The following THRB variants were observed in gnomAD, a reference collection of about 807,000 sequenced individuals.
THRB encodes thyroid hormone receptor beta, also known as nuclear receptor subfamily 1 group A member 2.
In THRB, 12 loss-of-function variants were observed where a neutral mutation model predicts 47.8. That is an observed-to-expected ratio of 0.25 (90% CI 0.16 to 0.41). The LOEUF is 0.41. THRB is among the 10% of genes least tolerant of loss of function. THRB has a pLI of 1.00. For missense variants in THRB, 348 were observed against 589.2 expected (o/e 0.59, Z 4.24); for synonymous variants, 218 against 212.2 (o/e 1.03, Z -0.24).
chr3:24,332,821 C>T (rs1192991839), intron 2 of THRB, among the ~76,000 whole-genome samples: 2 of 152,152 alleles, frequency 1.3e-5, no homozygotes, highest in Admixed American at 1.3e-4. Context: ...CTTTGGGAGG[C>T]CGAGGCGGGC....
chr3:24,228,967 T>A lies in THRB; in HGVS notation c.-8A>T. ...CATACTGTTGGGAGTCATAGGTTAG[T>A]AATCATTCTGGATCCCTTTTTTCAC... On this transcript the variant is annotated 5_prime_UTR_variant, in exon 4 of 11. Transcript: ENST00000646209. 6.2e-7 allele frequency: 1 copy of A among 1,611,894 alleles called. No homozygotes were observed.
intron 5 of THRB, among the ~76,000 whole-genome samples, chr3:24,181,998 G>C (rs1299621545): frequency 6.6e-6 from 1 of 152,092 alleles, no homozygotes; most frequent in Non-Finnish European, 1.5e-5. Flanking sequence ...TCAGGAGATC[G>C]AGACCATCCT....
At chr3:24,128,174 T>C (rs948557035) in intron 9 of THRB, among the ~76,000 whole-genome samples, 8 of 152,198 alleles carry the variant, frequency 5.3e-5, no homozygotes, top group East Asian at 3.9e-4. Flanking sequence ...GGTAACAGCT[T>C]ACCCTACTGT....
chr3:24,344,374 T>G (rs1438650545), intron 1 of THRB, among the ~76,000 whole-genome samples: 2 of 152,110 alleles, frequency 1.3e-5, no homozygotes, highest in South Asian at 2.1e-4. Context: ...AATTTCAACA[T>G]AGAACCACAA....
At chr3:24,372,235 T>C (rs1317821532) in intron 1 of THRB, among the ~76,000 whole-genome samples, 1 of 152,244 alleles carries the variant, frequency 6.6e-6, no homozygotes, top group East Asian at 1.9e-4. Context: ...TAGTATTTGC[T>C]GATTTTCAGG....
intron 3 of THRB, among the ~76,000 whole-genome samples, chr3:24,279,561 A>T (rs78069571): frequency 1.3e-4 from 18 of 141,102 alleles, no homozygotes; most frequent in African/African-American, 3.1e-4. Context: ...ATTTTTTTGT[A>T]TTTTTTTTTT....
At chr3:24,332,287 A>G (rs373734869) in intron 2 of THRB, among the ~76,000 whole-genome samples, 24 of 152,342 alleles carry the variant, frequency 1.6e-4, no homozygotes, top group African/African-American at 5.8e-4. Flanking sequence ...GGATAAAGCC[A>G]TATGCTAAGA....
At chr3:24,445,000 C>A (rs1220781650) in intron 1 of THRB, among the ~76,000 whole-genome samples, 1 of 152,038 alleles carries the variant, frequency 6.6e-6, no homozygotes, top group African/African-American at 2.4e-5. Flanking sequence ...GCCACCATGT[C>A]AGAAACAGGC....
At chr3:24,251,105 C>A (rs990848414) in intron 3 of THRB, among the ~76,000 whole-genome samples, 1 of 152,012 alleles carries the variant, frequency 6.6e-6, no homozygotes, top group Non-Finnish European at 1.5e-5. Context: ...CTAAACAACT[C>A]TTTGTCAAAG....
At chr3:24,135,049 A>T (rs1002639718) in intron 8 of THRB, among the ~76,000 whole-genome samples, 1 of 152,102 alleles carries the variant, frequency 6.6e-6, no homozygotes, top group Non-Finnish European at 1.5e-5. Context: ...CAGGTCAGGG[A>T]TGGAGCTTGG....
Position 24,240,426 on chromosome 3 carries a change from G to A in THRB, c.-42-11425C>T, listed in dbSNP as rs186851317. Among the ~76,000 whole-genome samples, 353 of 152,304 alleles carry A rather than the reference G, an allele frequency of 2.3e-3. 1 individual carries two copies. Among genetic ancestry groups the A allele is most frequent in the Non-Finnish European group, 4.0e-3 (272 of 68,036 alleles). ...ACAGCCCTTATATAATCTGAGAAGA[G>A]GATGCAGTAAGTCAGATTATCACTG... On this transcript the variant is annotated intron_variant, in intron 3 of 10. Coordinates refer to ENST00000646209, the MANE Select transcript of THRB (RefSeq NM_001354712.2).
At chr3:24,370,179 C>T (rs1044355663) in intron 1 of THRB, among the ~76,000 whole-genome samples, 3 of 152,118 alleles carry the variant, frequency 2.0e-5, no homozygotes, top group East Asian at 1.9e-4. Context: ...AAAAAGTCAG[C>T]TGACATTTTT....
chr3:24,272,373 AACAAAAAC>A (rs1295984758), intron 3 of THRB, among the ~76,000 whole-genome samples: 2 of 97,380 alleles, frequency 2.1e-5, no homozygotes, highest in African/African-American at 6.6e-5. Flanking sequence ...AACAACAACA[AACAAAAAC>A]AAACAAACAA....
At chr3:24,358,606 C>T (rs2063853105) in intron 1 of THRB, among the ~76,000 whole-genome samples, 1 of 152,058 alleles carries the variant, frequency 6.6e-6, no homozygotes, top group African/African-American at 2.4e-5. Flanking sequence ...ACTTTCCAGT[C>T]CCTATTATAT....
intron 4 of THRB, among the ~76,000 whole-genome samples, chr3:24,214,259 G>A (rs1202211917): frequency 6.6e-6 from 1 of 152,156 alleles, no homozygotes; most frequent in Non-Finnish European, 1.5e-5. Flanking sequence ...GGCTGGTGCA[G>A]GGCTAGCTGG....
intron 3 of THRB, among the ~76,000 whole-genome samples, chr3:24,246,586 T>C (rs1206747090): frequency 6.6e-6 from 1 of 152,210 alleles, no homozygotes; most frequent in East Asian, 1.9e-4. Context: ...AGCATTTGCA[T>C]AACTGACTCT....
intron 4 of THRB, among the ~76,000 whole-genome samples, chr3:24,202,867 G>A (rs1257300834): frequency 6.6e-6 from 1 of 152,166 alleles, no homozygotes; most frequent in Admixed American, 6.5e-5. Flanking sequence ...ATCTTCTACA[G>A]GTGAGGCAAT....
At chr3:24,304,069 T>C (rs1361334255) in intron 2 of THRB, among the ~76,000 whole-genome samples, 1 of 152,158 alleles carries the variant, frequency 6.6e-6, no homozygotes, top group Admixed American at 6.5e-5. Flanking sequence ...TGTATTTTCT[T>C]GGTCAGATTT....
At chr3:24,337,889 C>A (rs559169974) in intron 1 of THRB, among the ~76,000 whole-genome samples, 1 of 152,100 alleles carries the variant, frequency 6.6e-6, no homozygotes, top group Non-Finnish European at 1.5e-5. Context: ...AAGCATGAAG[C>A]CATGGAGCTG....
Sources: gnomAD v4.1 joint callset for allele counts (sites outside exome capture counted in the v4.1 genomes callset) on GRCh38, gnomAD v4.1.1 for gene constraint, MANE v1.5 for transcripts, NCBI Gene and HGNC (gene_info 2026-07-23, HGNC 2026-07-21) for gene names.